The following ADIPOR2 variants were observed in gnomAD, a reference collection of about 807,000 sequenced individuals.
The protein encoded by ADIPOR2 is adiponectin receptor protein 2.
A neutral mutation model predicts 40.9 loss-of-function variants in ADIPOR2; 18 were observed. The observed-to-expected ratio is 0.44, with a 90% CI of 0.30 to 0.65. The LOEUF is 0.65. Among genes scored for constraint, ADIPOR2 ranks in the 30% least tolerant of loss-of-function variants. The pLI, the probability that ADIPOR2 is intolerant of heterozygous loss-of-function variation, is 0.09. For missense variants in ADIPOR2, 283 were observed against 479.2 expected (o/e 0.59, Z 3.82); for synonymous variants, 165 against 166.4 (o/e 0.99, Z 0.06).
intron 6 of ADIPOR2, among the ~76,000 whole-genome samples, chr12:1,782,675 A>G (rs964617460): frequency 3.3e-5 from 5 of 152,222 alleles, no homozygotes; most frequent in African/African-American, 9.6e-5. Flanking sequence ...ATTTAAAAAA[A>G]TGCTGGTTGA....
At chr12:1,762,295 T>C (rs951641107) in intron 2 of ADIPOR2, among the ~76,000 whole-genome samples, 22 of 152,182 alleles carry the variant, frequency 1.4e-4, no homozygotes, top group African/African-American at 5.3e-4. Flanking sequence ...GTGTGACATA[T>C]ATTTATGTTT....
At chr12:1,695,227 C>T (rs181630717) in intron 1 of ADIPOR2, among the ~76,000 whole-genome samples, 8 of 151,816 alleles carry the variant, frequency 5.3e-5, no homozygotes, top group South Asian at 2.1e-4. Flanking sequence ...TGGTGGCTTG[C>T]GCCTGTAGTT....
In ADIPOR2 at chr12:1,716,078, A is replaced by G. The variant is rs538028973; in HGVS notation, c.-87+24887A>G. The stretch of plus-strand genomic sequence containing the variant: ...ACCTTTAAGAGCTGTAACACTCACC[A>G]CGAAGTTCTGCGGCTTCATTCTTGA... On this transcript the variant is annotated intron_variant, in intron 1 of 7. Transcript: ENST00000357103. 2.2e-3 allele frequency among the ~76,000 whole-genome samples: 341 copies of G among 152,216 alleles called. 2 individuals carry two copies. The highest frequency in any genetic ancestry group is 7.9e-3 in the African/African-American group (327 of 41,498).
At chr12:1,704,123 A>G (rs535312254) in intron 1 of ADIPOR2, among the ~76,000 whole-genome samples, 3 of 117,870 alleles carry the variant, frequency 2.5e-5, no homozygotes, top group African/African-American at 9.9e-5. Context: ...TATTATATGT[A>G]TACCCAATAA....
chr12:1,782,308 C>T (rs1273970391), intron 6 of ADIPOR2, among the ~76,000 whole-genome samples: 1 of 152,150 alleles, frequency 6.6e-6, no homozygotes, highest in Non-Finnish European at 1.5e-5. Flanking sequence ...TTGCTGTATA[C>T]CAGCAGTTTA....
At chr12:1,714,978 G>A (rs962934166) in intron 1 of ADIPOR2, among the ~76,000 whole-genome samples, 10 of 151,978 alleles carry the variant, frequency 6.6e-5, no homozygotes, top group African/African-American at 2.2e-4. Context: ...ACCTGGGTTG[G>A]GCCAAATTCC....
chr12:1,713,871 C>T (rs1047229050), intron 1 of ADIPOR2, among the ~76,000 whole-genome samples: 4 of 152,144 alleles, frequency 2.6e-5, no homozygotes, highest in East Asian at 1.9e-4. Flanking sequence ...TGAGGACAGC[C>T]GTCTGGGACA....
At chr12:1,745,582 T>G (rs2094753240) in intron 1 of ADIPOR2, among the ~76,000 whole-genome samples, 1 of 152,334 alleles carries the variant, frequency 6.6e-6, no homozygotes, top group African/African-American at 2.4e-5. Context: ...TACTGCAGGC[T>G]TCATCTTCAA....
At chr12:1,723,079 A>T (rs1363294336) in intron 1 of ADIPOR2, among the ~76,000 whole-genome samples, 3 of 152,190 alleles carry the variant, frequency 2.0e-5, no homozygotes, top group African/African-American at 4.8e-5. Flanking sequence ...TTCTTTGTGC[A>T]TGACTTTTTA....
At chr12:1,723,136 A>G (rs1202228946) in intron 1 of ADIPOR2, among the ~76,000 whole-genome samples, 1 of 152,194 alleles carries the variant, frequency 6.6e-6, no homozygotes, top group Non-Finnish European at 1.5e-5. Context: ...ATCATAGCCT[A>G]TCTCATTAGA....
intron 4 of ADIPOR2, among the ~76,000 whole-genome samples, chr12:1,779,835 G>C (rs1862678912): frequency 6.6e-6 from 1 of 152,188 alleles, no homozygotes; most frequent in Non-Finnish European, 1.5e-5. Context: ...CCTTGTGTTA[G>C]GTGGCCCCTC....
At position 1,788,467 on chromosome 12, in the gene ADIPOR2, C is replaced by G. The variant is rs1407819723; in HGVS notation, c.*2395C>G. ...TTTGGCCCTAGGCTGGTTGGGACCT[C>G]TACAGCTTCATTCTTTCACCATTAA... On this transcript the variant is annotated 3_prime_UTR_variant, in exon 8 of 8. Coordinates refer to ENST00000357103, the MANE Select transcript of ADIPOR2 (RefSeq NM_024551.3). 1 of 152,658 alleles carries G rather than the reference C, an allele frequency of 6.6e-6. No homozygotes were observed. Among genetic ancestry groups the G allele is most frequent in the African/African-American group, 2.4e-5 (1 of 41,438 alleles). The allele number at this position is 152,658 out of a possible 1,614,324, so 9.5% of individuals were successfully genotyped here.
In ADIPOR2 at chr12:1,759,614, T is replaced by C. The variant is rs565415340; in HGVS notation, c.171+5100T>C. 2.6e-5 allele frequency among the ~76,000 whole-genome samples: 4 copies of C among 152,214 alleles called. 1 individual carries two copies. Among genetic ancestry groups the C allele is most frequent in the Non-Finnish European group, 5.9e-5 (4 of 68,036 alleles). ...TTAGGAGTGCCCACCTGATCACATA[T>C]TGCCCTTTATAGAAAACTACAAATG... On this transcript the variant is annotated intron_variant, in intron 2 of 7. Coordinates refer to ENST00000357103, the MANE Select transcript of ADIPOR2 (RefSeq NM_024551.3).
chr12:1,724,171 C>T (rs1357294753), intron 1 of ADIPOR2, among the ~76,000 whole-genome samples: 3 of 152,004 alleles, frequency 2.0e-5, no homozygotes, highest in Admixed American at 1.3e-4. Flanking sequence ...TTAGTAGAGA[C>T]GGGGTTTCAC....
At chr12:1,694,152 G>A (rs1010109825) in intron 1 of ADIPOR2, among the ~76,000 whole-genome samples, 1 of 152,200 alleles carries the variant, frequency 6.6e-6, no homozygotes, top group African/African-American at 2.4e-5. Context: ...ACTAAGGCAA[G>A]GAGAAAAATT....
At chr12:1,776,998 T>C (rs940859909) in intron 3 of ADIPOR2, among the ~76,000 whole-genome samples, 5 of 152,222 alleles carry the variant, frequency 3.3e-5, no homozygotes, top group African/African-American at 1.2e-4. Flanking sequence ...AGCTAGTTAA[T>C]GCCAGGGGTC....
intron 1 of ADIPOR2, among the ~76,000 whole-genome samples, chr12:1,707,505 T>C (rs2094665848): frequency 6.6e-6 from 1 of 152,202 alleles, no homozygotes; most frequent in Non-Finnish European, 1.5e-5. Context: ...AGACAGGGTC[T>C]TGTCTGTTGT....
At chr12:1,771,257 C>A (rs1862489024) in intron 2 of ADIPOR2, among the ~76,000 whole-genome samples, 1 of 151,832 alleles carries the variant, frequency 6.6e-6, no homozygotes, top group Non-Finnish European at 1.5e-5. Context: ...CCCAGCTATT[C>A]AGGAGGCTTA....
At chr12:1,756,152 A>G (rs1862123023) in intron 2 of ADIPOR2, among the ~76,000 whole-genome samples, 1 of 151,382 alleles carries the variant, frequency 6.6e-6, no homozygotes, top group African/African-American at 2.4e-5. Flanking sequence ...TTTTATTATT[A>G]TAATTATATT....
Sources: allele counts gnomAD v4.1 joint callset (sites outside exome capture counted in the v4.1 genomes callset), GRCh38; gene constraint gnomAD v4.1.1; transcripts MANE v1.5; gene names NCBI Gene and HGNC (gene_info 2026-07-23, HGNC 2026-07-21).